Variants in FCHSD1 observed in about 807,000 individuals in gnomAD.
FCHSD1 encodes the protein F-BAR and double SH3 domains protein 1.
Under a neutral mutation model 101.3 loss-of-function variants are expected in FCHSD1, and 109 were observed. The observed-to-expected ratio is 1.08, with a 90% CI of 0.92 to 1.26. The LOEUF (loss-of-function observed/expected upper bound fraction) is 1.26, where lower values mean the gene tolerates loss of function less well. Among genes scored for constraint, FCHSD1 ranks in the 50% most tolerant of loss-of-function variants. The pLI is 0.00. For synonymous variants in FCHSD1, 291 were observed against 356.8 expected (o/e 0.82, Z 2.08); for missense variants, 820 against 895.8 (o/e 0.92, Z 1.08).
chr5:141,648,222 A>T (rs2099907909), intron 7 of FCHSD1, 126 bp from the exon 8 acceptor site: 2 of 1,228,430 alleles, frequency 1.6e-6, no homozygotes, highest in African/African-American at 1.5e-5. Context: ...CTGGCACTAC[A>T]CTAAAAATGT....
At position 141,647,987 on chromosome 5, in the gene FCHSD1, T is replaced by C; in HGVS notation, c.686A>G (p.Glu229Gly). 1 of 1,613,270 alleles carries C rather than the reference T, an allele frequency of 6.2e-7. No homozygotes were observed. The highest frequency in any genetic ancestry group is 8.5e-7 in the Non-Finnish European group (1 of 1,179,618). ...ACTGGCCTTGAGCAGAGCTGGCAGT[T>C]CCTCCTGGTAGTAATGGTCGAGGTG... ...NAHLDHYYQE[E>G]LPALLKALVS... The change falls in exon 8 of 20, where the codon GAA (glutamate) becomes GGA (glycine). Residue 229 changes from glutamate to glycine, a missense_variant. Transcript: ENST00000435817.
In FCHSD1 at chr5:141,641,646, G is replaced by C. The variant is rs2099906915; in HGVS notation, c.2007+56C>G. 3.1e-6 allele frequency: 5 copies of C among 1,611,898 alleles called. No individual in the cohort carries two copies. The South Asian group carries it at 3.3e-5, about 11-fold the overall frequency. The stretch of plus-strand genomic sequence containing the variant: ...TTCCCTCAGCCCTGCAGACAAAACA[G>C]GACTGGTTGGAATAACCCCTCTACA... On this transcript the variant is annotated intron_variant, in intron 19 of 19. Coordinates refer to ENST00000435817, the MANE Select transcript of FCHSD1 (RefSeq NM_033449.3).
At chr5:141,643,159 A>G in intron 17 of FCHSD1, 71 bp from the exon 18 acceptor site, 1 of 1,205,466 alleles carries the variant, frequency 8.3e-7, no homozygotes, top group Non-Finnish European at 1.1e-6. Context: ...CTCTCATCCC[A>G]TCTCCAGTTC....
Position 141,639,651 on chromosome 5 carries a change from T to G in FCHSD1, c.*1847A>C. On this transcript the variant is annotated 3_prime_UTR_variant, in exon 20 of 20. Coordinates refer to ENST00000435817, the MANE Select transcript of FCHSD1 (RefSeq NM_033449.3). The surrounding 1 kb of genome is among the most constrained non-coding windows in gnomAD (Gnocchi z 4.4). ...GACCACTGTGTTCTCTGTGGGCAGG[T>G]GGGGCAGGTGCTCCAGGGAAAGGGG... is the stretch of plus-strand genomic sequence containing the variant. The G allele has an allele frequency of 6.3e-7, 1 of 1,594,872 alleles. No individual in the cohort carries two copies. Among genetic ancestry groups the G allele is most frequent in the Non-Finnish European group, 8.5e-7 (1 of 1,170,420 alleles).
At chr5:141,648,119 A>G (rs999410632) in intron 7 of FCHSD1, 23 bp from the exon 8 acceptor site, 26 of 1,592,574 alleles carry the variant, frequency 1.6e-5, no homozygotes, top group Middle Eastern at 1.8e-4. Flanking sequence ...ACTGATGTCA[A>G]TAGGAAGCCC....
Position 141,647,506 on chromosome 5 carries a change from C to G in FCHSD1, c.720G>C (p.Glu240Asp), listed in dbSNP as rs199612014. ...LPALLKALVS[E>D]LSEHLRDPLT... Reference sequence around the variant, plus strand: ...GGGGGTCCCTCAAGTGCTCTGACAGCTCACTGACCAGGGCCTAGAGAGAAC... The same window carrying G: ...GGGGGTCCCTCAAGTGCTCTGACAGGTCACTGACCAGGGCCTAGAGAGAAC... The change falls in exon 9 of 20, where the codon GAG becomes GAC. Residue 240 changes from glutamate to aspartate, a missense_variant. By Grantham distance (45) the Glu-to-Asp change is conservative. Transcript: ENST00000435817. 6.2e-7 allele frequency: 1 copy of G among 1,612,954 alleles called. No homozygotes were observed. Among genetic ancestry groups the G allele is most frequent in the Admixed American group, 1.7e-5 (1 of 59,806 alleles).
chr5:141,651,315 C>A (rs1422968239), intron 1 of FCHSD1, 33 bp downstream of exon 1: 1 of 1,552,602 alleles, frequency 6.4e-7, no homozygotes. Flanking sequence ...TTCCCCCAGC[C>A]CGCCAGGAGT....
chr5:141,650,058 T>C (rs2099908170), intron 3 of FCHSD1, 104 bp from the exon 4 acceptor site: 1 of 1,222,534 alleles, frequency 8.2e-7, no homozygotes, highest in Non-Finnish European at 1.1e-6. Flanking sequence ...GGGTACATTA[T>C]GTGCCACTTG....
chr5:141,646,573 G>A (rs1295732414), intron 11 of FCHSD1, 30 bp downstream of exon 11: 14 of 1,597,820 alleles, frequency 8.8e-6, no homozygotes, highest in African/African-American at 1.3e-5. Context: ...ACAAGAAGGT[G>A]CACATGACAC....
rs1172395329 is a variant in FCHSD1 at position 141,641,504 on chromosome 5, G to A, written c.2067C>T (p.Leu689=). The change falls in exon 20 of 20, where the codon CTC becomes CTT. Residue 689 remains leucine, a synonymous_variant. Transcript: ENST00000435817. The stretch of plus-strand genomic sequence containing the variant: ...GTCAAGGCTTCCCTGGCCTTCAGGT[G>A]AGGGGATCTGGGTGGCCAGGATCCG... ...KAPDPGHPDP[L]T is the part of the protein sequence containing the mutation. The A allele has an allele frequency of 6.7e-7, 1 of 1,496,942 alleles. No individual in the cohort carries two copies. The highest frequency in any genetic ancestry group is 1.4e-5 in the South Asian group (1 of 71,574). 92.7% of individuals were successfully genotyped at this position (1,496,942 alleles called of 1,614,324 possible).
Position 141,643,125 on chromosome 5 carries a change from G to A in FCHSD1, c.1864-37C>T, listed in dbSNP as rs2099907172. ...GTGGGCACAGAGTTATTCCTGGCAT[G>A]TGGGGAGGTTTTACCAGCTTTTCCT... On this transcript the variant is annotated intron_variant, in intron 17 of 19. Transcript: ENST00000435817. 5.0e-6 allele frequency: 7 copies of A among 1,397,998 alleles called. No homozygotes were observed. In the East Asian group the frequency reaches 1.7e-4, roughly 35 times the overall value. 86.6% of individuals were successfully genotyped at this position (1,397,998 alleles called of 1,614,324 possible).
chr5:141,646,498 C>T lies in FCHSD1; in HGVS notation c.1044+105G>A, dbSNP rs2099907670. 3.4e-6 allele frequency: 5 copies of T among 1,463,806 alleles called. No homozygotes were observed. The East Asian group carries it at 1.0e-4, about 29-fold the overall frequency. 90.7% of individuals were successfully genotyped at this position (1,463,806 alleles called of 1,614,324 possible). ...TGTTACCTTAAAATACCTTTCCCTC[C>T]CCTCTGTAGCTCCATGACACCCTCA... On this transcript the variant is annotated intron_variant, in intron 11 of 19. Coordinates refer to ENST00000435817, the MANE Select transcript of FCHSD1 (RefSeq NM_033449.3).
rs1034042100 is a variant in FCHSD1, at chr5:141,648,820, AAC to A, written c.576+135_576+136del. ...AAGGCTCACAGAGATCAAGTAAATT[AAC>A]CAAGGTTACCCACCCAGGAAGTAGG... On this transcript the variant is annotated intron_variant, in intron 7 of 19. Transcript: ENST00000435817. 2,404 of 943,362 alleles carry A rather than the reference AAC, an allele frequency of 2.5e-3. 18 individuals are homozygous for A. The highest frequency in any genetic ancestry group is 1.4e-3 in the Non-Finnish European group (822 of 605,256). The allele number at this position is 943,362 out of a possible 1,614,324, so 58.4% of individuals were successfully genotyped here.
chr5:141,644,929 TCCTCACGCCCTGCCTGGG>T lies in FCHSD1; in HGVS notation c.1441-5_1453del, dbSNP rs763424275. ...CTCACCCTCCGTGATTGTCAGCTCA[TCCTCACGCCCTGCCTGGG>T]CCACACACGAAGGATTCAGGACTTG... On this transcript the variant is annotated splice_acceptor_variant and splice_polypyrimidine_tract_variant and coding_sequence_variant and intron_variant, in exon 15 of 20. Transcript: ENST00000435817. LOFTEE classifies it high-confidence loss of function. The T allele has an allele frequency of 1.2e-6, 2 of 1,613,802 alleles. No homozygotes were observed. The highest frequency in any genetic ancestry group is 2.2e-5 in the South Asian group (2 of 91,074).
In FCHSD1 at chr5:141,644,387, A is replaced by G; in HGVS notation, c.1694T>C (p.Leu565Pro). 2 of 1,613,946 alleles carry G rather than the reference A, an allele frequency of 1.2e-6. No homozygotes were observed. The highest frequency in any genetic ancestry group is 8.5e-7 in the Non-Finnish European group (1 of 1,179,870). ...GATGAGTGCCCCCTCAGGGAAGCTC[A>G]GCTCCTCTGCACTCTGTCCGGTGTA... is the stretch of plus-strand genomic sequence containing the variant. Reference protein sequence around the residue: ...YSYTGQSAEELSFPEGALIRL... With the variant: ...YSYTGQSAEEPSFPEGALIRL... Residue 565 changes from leucine to proline, a missense_variant, in exon 17 of 20, where the codon CTG (leucine) becomes CCG (proline). Leu to Pro is a moderately conservative substitution (Grantham distance 98). Coordinates refer to ENST00000435817, the MANE Select transcript of FCHSD1 (RefSeq NM_033449.3).
chr5:141,650,486 G>T, intron 2 of FCHSD1, 82 bp from the exon 3 acceptor site: 4 of 1,578,592 alleles, frequency 2.5e-6, no homozygotes, highest in Non-Finnish European at 2.6e-6. Context: ...CCTCTACTCT[G>T]GGCAGGAGGG....
At chr5:141,647,924 T>C (rs906057769) in intron 8 of FCHSD1, 44 bp downstream of exon 8, 4 of 1,600,018 alleles carry the variant, frequency 2.5e-6, no homozygotes, top group Middle Eastern at 1.7e-4. Context: ...AGGTCCTCCT[T>C]TCCCTCCCTG....
chr5:141,649,506 G>T lies in FCHSD1; in HGVS notation c.264C>A (p.Cys88Ter). The T allele has an allele frequency of 1.9e-6, 3 of 1,613,348 alleles. No homozygotes were observed. The highest frequency in any genetic ancestry group is 2.5e-6 in the Non-Finnish European group (3 of 1,179,864). ...CCCCAGCCACGGTGGCATCCAGCAG[G>T]CAGCGCCAGGCACCGAACACTGTCC... is the stretch of plus-strand genomic sequence containing the variant. ...RGRTVFGAWR[C>*]LLDATVAGGQ... is the part of the protein sequence containing the mutation. Residue 88 changes from cysteine to a stop codon, truncating the protein, a stop_gained, in exon 5 of 20, where the codon TGC becomes TGA. Coordinates refer to ENST00000435817, the MANE Select transcript of FCHSD1 (RefSeq NM_033449.3). LOFTEE classifies it high-confidence loss of function. This position sits in a 1 kb window ranked among gnomAD's most constrained non-coding sequence, Gnocchi z 4.1.
rs2099906703 is a variant in FCHSD1 at position 141,640,352 on chromosome 5, G to C, written c.*1146C>G. On this transcript the variant is annotated 3_prime_UTR_variant, in exon 20 of 20. Transcript: ENST00000435817. ...TGGGCTCTTATTGCTCTCTACTCTG[G>C]GGGGCACTGATAGGACCTACTCCTG... The C allele has an allele frequency of 4.3e-6, 7 of 1,613,920 alleles. No homozygotes were observed. The South Asian group carries it at 4.4e-5, about 10-fold the overall frequency.
Sources: gnomAD v4.1 joint callset for allele counts on GRCh38, gnomAD v4.1.1 for gene constraint, Gnocchi (gnomAD v3.1) non-coding constraint, MANE v1.5 for transcripts, NCBI Gene and HGNC (gene_info 2026-07-23, HGNC 2026-07-21) for gene names.